Variants in SMIM8 observed in about 807,000 individuals in gnomAD.
The protein encoded by SMIM8 is small integral membrane protein 8, also known as UPF0708 protein C6orf162.
SMIM8 carries 8 observed loss-of-function variants against 8.1 expected under a neutral mutation model. The ratio of observed to expected loss-of-function variants is 0.99; its 90% CI spans 0.58 to 1.78. The LOEUF (loss-of-function observed/expected upper bound fraction) is 1.78, where lower values mean the gene tolerates loss of function less well. Among genes scored for constraint, SMIM8 ranks in the 40% most tolerant of loss-of-function variants. SMIM8 has a pLI of 0.00. For synonymous variants in SMIM8, 45 were observed against 39.7 expected, an observed-to-expected ratio of 1.13 and a Z score of -0.50; for missense variants, 126 against 119.8, an observed-to-expected ratio of 1.05 and a Z score of -0.24.
At chr6:87,333,627 A>C (rs1777040191) in intron 2 of SMIM8, among the ~76,000 whole-genome samples, 1 of 152,222 alleles carries the variant, frequency 6.6e-6, no homozygotes, top group Non-Finnish European at 1.5e-5. Flanking sequence ...GAGAAATAGC[A>C]AAGGAATTTA....
At position 87,341,043 on chromosome 6, in the gene SMIM8, TTA is replaced by T. The variant is rs1416430832; in HGVS notation, c.*771_*772del. The T allele has an allele frequency of 2.7e-6, 1 of 367,874 alleles. No individual in the cohort carries two copies. Among genetic ancestry groups the T allele is most frequent in the East Asian group, 4.0e-5 (1 of 24,966 alleles). The allele number at this position is 367,874 out of a possible 1,614,324, so 22.8% of individuals were successfully genotyped here. On this transcript the variant is annotated 3_prime_UTR_variant, in exon 4 of 4. Coordinates refer to ENST00000392863, the MANE Select transcript of SMIM8 (RefSeq NM_001042493.3). ...GTTAATTAATGTTAATTAATTTTGTTTATGTTAATTTGTGTTAATTAATGTTA... is the reference window on the plus strand; with the variant it reads ...GTTAATTAATGTTAATTAATTTTGTTTGTTAATTTGTGTTAATTAATGTTA...
At chr6:87,337,251 C>G (rs1777134932) in intron 3 of SMIM8, 85 bp downstream of exon 3, 1 of 1,424,134 alleles carries the variant, frequency 7.0e-7, no homozygotes, top group Admixed American at 2.4e-5. Context: ...TTGATTTTAT[C>G]ATGGAAATTT....
rs77192818 is a variant in SMIM8 at position 87,339,710 on chromosome 6, C to T, written c.136-406C>T. 3.9e-5 allele frequency among the ~76,000 whole-genome samples: 6 copies of T among 152,218 alleles called. No individual in the cohort carries two copies. The East Asian group carries it at 1.2e-3, about 29-fold the overall frequency. ...ATTCCTCACTTCCTAATAAAATGAA[C>T]TAATTTGAAGTTTGCAAATGGAGAG... On this transcript the variant is annotated intron_variant, in intron 3 of 3. Transcript: ENST00000392863.
chr6:87,341,244 A>C lies in SMIM8; in HGVS notation c.*970A>C. ...TTTTCAGAATGTTTCTTATTCTCTG[A>C]AGCATCAGCATTTTGAAGTGTCTTT... On this transcript the variant is annotated 3_prime_UTR_variant, in exon 4 of 4. Transcript: ENST00000392863. The C allele has an allele frequency of 2.5e-6, 1 of 398,388 alleles. No individual in the cohort carries two copies. The highest frequency in any genetic ancestry group is 3.6e-5 in the East Asian group (1 of 28,070). The allele number at this position is 398,388 out of a possible 1,614,324, so 24.7% of individuals were successfully genotyped here.
At chr6:87,323,719 A>C (rs1250932241) in intron 1 of SMIM8, among the ~76,000 whole-genome samples, 3 of 152,106 alleles carry the variant, frequency 2.0e-5, no homozygotes, top group East Asian at 1.9e-4. Flanking sequence ...ATTGTGAATA[A>C]TGCCGCAATA....
Position 87,341,568 on chromosome 6 carries a change from G to T in SMIM8, c.*1294G>T, listed in dbSNP as rs950960931. 1 of 340,120 alleles carries T rather than the reference G, an allele frequency of 2.9e-6. No individual in the cohort carries two copies. The highest frequency in any genetic ancestry group is 5.3e-6 in the Non-Finnish European group (1 of 190,242). The allele number at this position is 340,120 out of a possible 1,614,324, so 21.1% of individuals were successfully genotyped here. A position where few individuals can be genotyped will look rare whatever the true frequency, so the allele number is the denominator to read the frequency against. On this transcript the variant is annotated 3_prime_UTR_variant, in exon 4 of 4. Transcript: ENST00000392863. The stretch of plus-strand genomic sequence containing the variant: ...TTACCTCTGAAGTCTTGCTTCAGTC[G>T]CTATTAATATTACCAAGTAATAATA...
intron 1 of SMIM8, among the ~76,000 whole-genome samples, chr6:87,328,735 G>T (rs1477483308): frequency 6.6e-6 from 1 of 152,164 alleles, no homozygotes; most frequent in Non-Finnish European, 1.5e-5. Context: ...CAGAGGTGGA[G>T]CCTACAGAGG....
chr6:87,336,266 AATAAT>A (rs1282676778), intron 2 of SMIM8, among the ~76,000 whole-genome samples: 1 of 152,150 alleles, frequency 6.6e-6, no homozygotes, highest in Non-Finnish European at 1.5e-5. Context: ...GCTTTTGCCT[AATAAT>A]ACCTAGAAGA....
At chr6:87,330,094 C>G (rs192462812) in intron 1 of SMIM8, among the ~76,000 whole-genome samples, 8 of 152,314 alleles carry the variant, frequency 5.3e-5, no homozygotes, top group African/African-American at 1.4e-4. Flanking sequence ...TCCTCTGATT[C>G]TATCCCAAAC....
chr6:87,327,141 T>C, intron 1 of SMIM8, among the ~76,000 whole-genome samples: 1 of 151,560 alleles, frequency 6.6e-6, no homozygotes, highest in Non-Finnish European at 1.5e-5. Context: ...TCCATCCTTT[T>C]ATTTTGAGCC....
chr6:87,340,234 G>T lies in SMIM8; in HGVS notation c.254G>T (p.Gly85Val). Residue 85 changes from glycine (G) to valine (V), a missense_variant, in exon 4 of 4, where the codon GGG becomes GTG. Coordinates refer to ENST00000392863, the MANE Select transcript of SMIM8 (RefSeq NM_001042493.3). ...KDLYEAIDSE[G>V]HSYMRRKTSK... ...CTCTATGAAGCTATTGATAGTGAGG[G>T]GCACAGTTATATGAGGCGGAAAACA... The T allele has an allele frequency of 6.2e-7, 1 of 1,609,400 alleles. No individual in the cohort carries two copies. The highest frequency in any genetic ancestry group is 8.5e-7 in the Non-Finnish European group (1 of 1,178,520).
intron 3 of SMIM8, 36 bp from the exon 4 acceptor site, chr6:87,340,080 C>G: frequency 6.8e-7 from 1 of 1,463,784 alleles, no homozygotes; most frequent in Admixed American, 2.5e-5. Context: ...AATTGTTAGT[C>G]TTACTAAAGC....
intron 3 of SMIM8, among the ~76,000 whole-genome samples, chr6:87,339,139 A>G (rs1036215978): frequency 5.3e-5 from 8 of 152,080 alleles, no homozygotes; most frequent in Non-Finnish European, 1.0e-4. Flanking sequence ...CCCTGTATTT[A>G]TTAAAAATAC....
chr6:87,326,783 C>G (rs1269254643), intron 1 of SMIM8, among the ~76,000 whole-genome samples: 7 of 118,310 alleles, frequency 5.9e-5, no homozygotes, highest in African/African-American at 2.4e-4. Flanking sequence ...TCTATTAGGT[C>G]TGCTTGGTGC....
At chr6:87,328,274 A>C (rs1038216953) in intron 1 of SMIM8, among the ~76,000 whole-genome samples, 4 of 151,272 alleles carry the variant, frequency 2.6e-5, no homozygotes, top group Non-Finnish European at 4.4e-5. Context: ...TCTCCGTCCA[A>C]CTTTGTTCCG....
At position 87,340,105 on chromosome 6, in the gene SMIM8, T is replaced by G. The variant is rs954353737; in HGVS notation, c.136-11T>G. 1.3e-6 allele frequency: 2 copies of G among 1,535,934 alleles called. No individual in the cohort carries two copies. Among genetic ancestry groups the G allele is most frequent in the Non-Finnish European group, 1.7e-6 (2 of 1,148,526 alleles). On this transcript the variant is annotated splice_polypyrimidine_tract_variant and intron_variant, in intron 3 of 3. Transcript: ENST00000392863. The stretch of plus-strand genomic sequence containing the variant: ...CTTACTAAAGCTTTATAATTTTTTT[T>G]TCTTTGACAGAACAAACCTGTAATG...
rs556373938 is a variant in SMIM8, at chr6:87,324,137, T to C, written c.-45+1505T>C. The stretch of plus-strand genomic sequence containing the variant: ...GATGGGGTTCTTTGTTTTTGTCTTG[T>C]AAATTTGCTTGAGTTGATTGTAGAT... On this transcript the variant is annotated intron_variant, in intron 1 of 3. Transcript: ENST00000392863. Among the ~76,000 whole-genome samples the C allele has an allele frequency of 4.1e-4, 62 of 152,296 alleles. 1 individual carries two copies. Among genetic ancestry groups the C allele is most frequent in the African/African-American group, 1.4e-3 (58 of 41,522 alleles).
Position 87,340,208 on chromosome 6 carries a change from C to T in SMIM8, c.228C>T (p.Asp76=). 1 of 1,611,350 alleles carries T rather than the reference C, an allele frequency of 6.2e-7. No individual in the cohort carries two copies. Among genetic ancestry groups the T allele is most frequent in the Non-Finnish European group, 8.5e-7 (1 of 1,179,148 alleles). ...YLHAIQENKK[D]LYEAIDSEGH... is the part of the protein sequence containing the mutation. ...ATGCAATACAAGAGAATAAAAAGGA[C>T]CTCTATGAAGCTATTGATAGTGAGG... Residue 76 remains aspartate (D), a synonymous_variant, in exon 4 of 4, where the codon GAC becomes GAT. Coordinates refer to ENST00000392863, the MANE Select transcript of SMIM8 (RefSeq NM_001042493.3).
chr6:87,330,390 G>C (rs1037250380), intron 1 of SMIM8, among the ~76,000 whole-genome samples: 1 of 152,154 alleles, frequency 6.6e-6, no homozygotes, highest in Non-Finnish European at 1.5e-5. Context: ...TTCCCTCAAA[G>C]TAATTCTTAT....
Sources: gnomAD v4.1 joint callset for allele counts (sites outside exome capture counted in the v4.1 genomes callset) on GRCh38, gnomAD v4.1.1 for gene constraint, MANE v1.5 for transcripts, NCBI Gene and HGNC (gene_info 2026-07-23, HGNC 2026-07-21) for gene names.